Variants in MGST1 observed in about 807,000 individuals in gnomAD.
The protein encoded by MGST1 is glutathione S-transferase 12.
In MGST1, 5 loss-of-function variants were observed where a neutral mutation model predicts 8.9. The ratio of observed to expected loss-of-function variants is 0.56; its 90% CI spans 0.29 to 1.19. The LOEUF is 1.19. MGST1 is among the 50% of genes most tolerant of loss of function. The pLI is 0.08. For synonymous variants in MGST1, 54 were observed against 67.8 expected (o/e 0.80, Z 1.00); for missense variants, 182 against 187.4 (o/e 0.97, Z 0.17).
At chr12:16,490,092 T>C (rs1168711352) in intron 4 of MGST1, among the ~76,000 whole-genome samples, 1 of 151,888 alleles carries the variant, frequency 6.6e-6, no homozygotes, top group East Asian at 1.9e-4. Context: ...TGAGACCCTA[T>C]CTTTACAAAA....
intron 4 of MGST1, among the ~76,000 whole-genome samples, chr12:16,568,692 C>T (rs1040304320): frequency 1.3e-5 from 2 of 152,208 alleles, no homozygotes; most frequent in Non-Finnish European, 2.9e-5. Flanking sequence ...GTTTAAAAAA[C>T]TAATTTCACC....
chr12:16,543,605 G>T (rs1042613267), intron 4 of MGST1, among the ~76,000 whole-genome samples: 1 of 151,792 alleles, frequency 6.6e-6, no homozygotes, highest in African/African-American at 2.4e-5. Context: ...TATGTTAAAT[G>T]CTTGCCTTAG....
intron 4 of MGST1, among the ~76,000 whole-genome samples, chr12:16,522,734 C>T (rs1006824935): frequency 6.6e-6 from 1 of 152,070 alleles, no homozygotes; most frequent in Non-Finnish European, 1.5e-5. Context: ...TTGTAGTAAT[C>T]ACAGCAGCTT....
At chr12:16,510,164 A>G (rs1029210601) in intron 4 of MGST1, among the ~76,000 whole-genome samples, 2 of 152,204 alleles carry the variant, frequency 1.3e-5, no homozygotes, top group African/African-American at 4.8e-5. Flanking sequence ...AGGCTCTGTC[A>G]GATGGCAGTG....
chr12:16,358,475 T>C (rs553821280), intron 3 of MGST1, among the ~76,000 whole-genome samples: 30 of 152,112 alleles, frequency 2.0e-4, no homozygotes, highest in Non-Finnish European at 3.8e-4. Flanking sequence ...TTCATTCTTT[T>C]TTTTTTTTTG....
intron 4 of MGST1, among the ~76,000 whole-genome samples, chr12:16,518,097 T>C (rs371042663): frequency 4.6e-5 from 7 of 152,220 alleles, no homozygotes; most frequent in African/African-American, 1.7e-4. Flanking sequence ...GTCATTCTTA[T>C]GCTTAATTTT....
At chr12:16,574,512 GTCTT>G (rs1942931942) in intron 4 of MGST1, among the ~76,000 whole-genome samples, 1 of 152,084 alleles carries the variant, frequency 6.6e-6, no homozygotes, top group African/African-American at 2.4e-5. Flanking sequence ...TTTTCTTATA[GTCTT>G]TCTGACAGGT....
chr12:16,348,718 T>C (rs9332883), intron 1 of MGST1, among the ~76,000 whole-genome samples: 1,669 of 152,082 alleles, frequency 0.011, 39 homozygotes, highest in African/African-American at 0.039. Context: ...TATGCTTTTC[T>C]TGGCCTTAGG....
At chr12:16,468,233 G>A (rs571095963) in intron 4 of MGST1, among the ~76,000 whole-genome samples, 1 of 152,062 alleles carries the variant, frequency 6.6e-6, no homozygotes, top group Admixed American at 6.5e-5. Flanking sequence ...GGTGAGTATC[G>A]GCATCATATC....
At chr12:16,432,108 T>C (rs1940943847) in intron 1 of MGST1, among the ~76,000 whole-genome samples, 1 of 152,188 alleles carries the variant, frequency 6.6e-6, no homozygotes, top group Non-Finnish European at 1.5e-5. Context: ...TCACATTGAA[T>C]GGCTAATTAC....
chr12:16,404,314 TG>T (rs1378632804), intron 1 of MGST1, among the ~76,000 whole-genome samples: 1 of 152,102 alleles, frequency 6.6e-6, no homozygotes, highest in Admixed American at 6.5e-5. Flanking sequence ...ACTTTCACCT[TG>T]TCTAAATCAT....
In MGST1 at chr12:16,361,787, C is replaced by A. The variant is rs1940007461; in HGVS notation, c.222-2008C>A. 6.6e-6 allele frequency among the ~76,000 whole-genome samples: 1 copy of A among 152,108 alleles called. No individual in the cohort carries two copies. Among genetic ancestry groups the A allele is most frequent in the South Asian group, 2.1e-4 (1 of 4,818 alleles). ...TAGTGAGGAGTGTTATCTTTGAGAA[C>A]ATTTTGAGGGCTGACGAAAGAGAAA... On this transcript the variant is annotated intron_variant, in intron 3 of 3. Coordinates refer to ENST00000396210, the MANE Select transcript of MGST1 (RefSeq NM_020300.5). The surrounding 1 kb of genome is among the most constrained non-coding windows in gnomAD (Gnocchi z 4.2).
At chr12:16,453,390 A>G (rs1342564119) in intron 4 of MGST1, among the ~76,000 whole-genome samples, 4 of 151,970 alleles carry the variant, frequency 2.6e-5, no homozygotes, top group Non-Finnish European at 5.9e-5. Context: ...TATTTCAATC[A>G]GCAGCCTACT....
At position 16,581,520 on chromosome 12, in the gene MGST1, C is replaced by A. The variant is rs1031401373; in HGVS notation, n.483-8008C>A. Among the ~76,000 whole-genome samples the A allele has an allele frequency of 5.3e-5, 8 of 152,106 alleles. No homozygotes were observed. The South Asian group carries it at 8.3e-4, about 16-fold the overall frequency. ...CTGTCCATTTTTTTAACTGCTGGAG[C>A]CTCAGTTCCTATAACACTACCCATT... On this transcript the variant is annotated intron_variant and non_coding_transcript_variant, in intron 4 of 4. Transcript: ENST00000538857.
rs142417969 is a variant in MGST1 at position 16,581,683 on chromosome 12, G to T, written n.483-7845G>T. Among the ~76,000 whole-genome samples the T allele has an allele frequency of 7.1e-4, 108 of 152,128 alleles. No homozygotes were observed. In the East Asian group the frequency reaches 0.015, roughly 21 times the overall value. On this transcript the variant is annotated intron_variant and non_coding_transcript_variant, in intron 4 of 4. Coordinates refer to the MGST1 transcript ENST00000538857. ...CCATCAGTCTCATTGAGATTTTTCT[G>T]TGATACTTATCTAGCAGGGAAGAAC...
intron 4 of MGST1, among the ~76,000 whole-genome samples, chr12:16,473,359 G>A (rs1941300217): frequency 6.6e-6 from 1 of 152,064 alleles, no homozygotes; most frequent in African/African-American, 2.4e-5. Flanking sequence ...ATATCAATAG[G>A]GCTGAGATTA....
At chr12:16,351,799 G>T (rs1939478432) in intron 1 of MGST1, among the ~76,000 whole-genome samples, 1 of 152,064 alleles carries the variant, frequency 6.6e-6, no homozygotes, top group African/African-American at 2.4e-5. Flanking sequence ...GACAGAGTGA[G>T]ACTCCATCTC....
intron 4 of MGST1, among the ~76,000 whole-genome samples, chr12:16,519,996 G>A (rs1049402213): frequency 1.3e-5 from 2 of 152,174 alleles, no homozygotes; most frequent in African/African-American, 4.8e-5. Flanking sequence ...GAGTGAGGTA[G>A]TGCTATTTAA....
intron 2 of MGST1, among the ~76,000 whole-genome samples, chr12:16,355,528 G>GT (rs1221849242): frequency 1.3e-5 from 2 of 152,080 alleles, no homozygotes; most frequent in African/African-American, 4.8e-5. Flanking sequence ...ATGGAAGGAT[G>GT]TTTGCATTTT....
Sources: allele counts gnomAD v4.1 joint callset (sites outside exome capture counted in the v4.1 genomes callset), GRCh38; gene constraint gnomAD v4.1.1; non-coding constraint Gnocchi (gnomAD v3.1); transcripts MANE v1.5; gene names NCBI Gene and HGNC (gene_info 2026-07-23, HGNC 2026-07-21).